BET1L: variants seen among roughly 807,000 people sequenced by gnomAD.
The protein encoded by BET1L is Bet1 golgi vesicular membrane trafficking protein like.
Under a neutral mutation model 12.6 loss-of-function variants are expected in BET1L, and 13 were observed. The ratio of observed to expected loss-of-function variants is 1.03; its 90% CI spans 0.67 to 1.64. The LOEUF is 1.64. BET1L is among the 40% of genes most tolerant of loss of function. The pLI is 0.00. For synonymous variants in BET1L, 60 were observed against 56.9 expected (o/e 1.05, Z -0.25); for missense variants, 154 against 150.7 (o/e 1.02, Z -0.11).
chr11:207,289 T>C lies in BET1L; in HGVS notation c.19+14A>G. On this transcript the variant is annotated intron_variant, in intron 1 of 3. Transcript: ENST00000382762. Reference sequence around the variant, plus strand: ...CCGGCCCTGCCCCCAACGGCTCCGCTCTCCCGCGCTCACCCCGAGCCCAGT... The same window carrying C: ...CCGGCCCTGCCCCCAACGGCTCCGCCCTCCCGCGCTCACCCCGAGCCCAGT... 2.0e-6 allele frequency: 3 copies of C among 1,531,796 alleles called. No homozygotes were observed. Among genetic ancestry groups the C allele is most frequent in the Non-Finnish European group, 2.6e-6 (3 of 1,147,404 alleles). The allele number at this position is 1,531,796 out of a possible 1,614,324, so 94.9% of individuals were successfully genotyped here. A position where few individuals can be genotyped will look rare whatever the true frequency, so the allele number is the denominator to read the frequency against.
rs1855089800 is a variant in BET1L at position 203,796 on chromosome 11, G to C, written c.*1506C>G. On this transcript the variant is annotated 3_prime_UTR_variant, in exon 4 of 4. Transcript: ENST00000382762. ...GGAGGCAGATGAGTCAACCTTGCTG[G>C]GTGAGAAGTGAGCTTGCACTGCATA... The C allele has an allele frequency of 6.5e-6, 1 of 153,260 alleles. No individual in the cohort carries two copies. The highest frequency in any genetic ancestry group is 2.4e-5 in the African/African-American group (1 of 41,480). 9.5% of individuals were successfully genotyped at this position (153,260 alleles called of 1,614,324 possible).
chr11:207,377 A>ACGTGGCCACAGCCGCCTCAGT lies in BET1L; in HGVS notation c.-57_-56insACTGAGGCGGCTGTGGCCACG. ...ACCGACGCGGCCACAGCCGCCTCAG[A>ACGTGGCCACAGCCGCCTCAGT]CGTGGCGCAGTCGCGGGGAAAGAGC... On this transcript the variant is annotated 5_prime_UTR_variant, in exon 1 of 4. Transcript: ENST00000382762. 19 of 1,510,886 alleles carry ACGTGGCCACAGCCGCCTCAGT rather than the reference A, an allele frequency of 1.3e-5. No individual in the cohort carries two copies. Among genetic ancestry groups the ACGTGGCCACAGCCGCCTCAGT allele is most frequent in the Non-Finnish European group, 1.7e-5 (19 of 1,135,502 alleles). The allele number at this position is 1,510,886 out of a possible 1,614,324, so 93.6% of individuals were successfully genotyped here. A position where few individuals can be genotyped will look rare whatever the true frequency, so the allele number is the denominator to read the frequency against.
chr11:206,779 G>C (rs1055452985), intron 1 of BET1L, among the ~76,000 whole-genome samples: 4 of 152,202 alleles, frequency 2.6e-5, no homozygotes, highest in African/African-American at 9.7e-5. Flanking sequence ...GTCAGGAAGG[G>C]ATGCCAGCGT....
Position 205,142 on chromosome 11 carries a change from C to T in BET1L, c.*160G>A. ...ACCAGCCAACATGAGCTCATCAGGT[C>T]ACAGGCAGCCGCAGCCTCCTGCCAC... On this transcript the variant is annotated 3_prime_UTR_variant, in exon 4 of 4. Transcript: ENST00000382762. 2.9e-6 allele frequency: 3 copies of T among 1,020,690 alleles called. No homozygotes were observed. The highest frequency in any genetic ancestry group is 4.2e-6 in the Non-Finnish European group (3 of 720,806). The allele number at this position is 1,020,690 out of a possible 1,614,324, so 63.2% of individuals were successfully genotyped here.
At chr11:205,854 G>T in intron 2 of BET1L, 98 bp downstream of exon 2, 1 of 1,487,340 alleles carries the variant, frequency 6.7e-7, no homozygotes. Context: ...GGATGAGGAT[G>T]GAAAACTGCC....
At chr11:205,577 A>G (rs1334694893) in intron 3 of BET1L, 34 bp downstream of exon 3, 17 of 1,613,976 alleles carry the variant, frequency 1.1e-5, no homozygotes, top group African/African-American at 1.3e-5. Context: ...GTGCTAGGGC[A>G]GGGCACTGAT....
At chr11:206,677 C>A (rs1416001810) in intron 1 of BET1L, among the ~76,000 whole-genome samples, 1 of 152,138 alleles carries the variant, frequency 6.6e-6, no homozygotes, top group Non-Finnish European at 1.5e-5. Flanking sequence ...GCAGAGTGCT[C>A]GCAGAGGCCT....
rs923606381 is a variant in BET1L, at chr11:207,311, C to G, written c.11G>C (p.Trp4Ser). The G allele has an allele frequency of 6.4e-7, 1 of 1,551,156 alleles. No homozygotes were observed. The highest frequency in any genetic ancestry group is 1.4e-5 in the African/African-American group (1 of 72,100). The change falls in exon 1 of 4, where the codon TGG becomes TCG. Residue 4 changes from tryptophan (W) to serine (S), a missense_variant. By Grantham distance (177) the Trp-to-Ser change is radical (BLOSUM62 -3). Coordinates refer to ENST00000382762, the MANE Select transcript of BET1L (RefSeq NM_001098787.2). MAD[W>S]ARAQSPGAVE... Reference sequence around the variant, plus strand: ...CGCTCTCCCGCGCTCACCCCGAGCCCAGTCCGCCATCGTGCCCTGCCCCGG... The same window carrying G: ...CGCTCTCCCGCGCTCACCCCGAGCCGAGTCCGCCATCGTGCCCTGCCCCGG...
rs1855089076 is a variant in BET1L, at chr11:203,775, G to C, written c.*1527C>G. The stretch of plus-strand genomic sequence containing the variant: ...ACAGCAAAGCCCCAGAGACATGGAG[G>C]CAGATGAGTCAACCTTGCTGGGTGA... On this transcript the variant is annotated 3_prime_UTR_variant, in exon 4 of 4. Transcript: ENST00000382762. 6.5e-6 allele frequency: 1 copy of C among 153,178 alleles called. No individual in the cohort carries two copies. Among genetic ancestry groups the C allele is most frequent in the Non-Finnish European group, 1.5e-5 (1 of 68,400 alleles). 9.5% of individuals were successfully genotyped at this position (153,178 alleles called of 1,614,324 possible).
chr11:206,094 CT>C, intron 1 of BET1L, 51 bp from the exon 2 acceptor site: 2 of 1,523,656 alleles, frequency 1.3e-6, no homozygotes, highest in East Asian at 2.3e-5. Flanking sequence ...AGCACGGCCC[CT>C]GACCCCTCTC....
intron 2 of BET1L, 122 bp from the exon 3 acceptor site, chr11:205,789 C>CAGAA: frequency 2.0e-6 from 3 of 1,475,768 alleles, no homozygotes; most frequent in Non-Finnish European, 2.8e-6. Context: ...CTGCAGCAGA[C>CAGAA]AGAAAGGTCC....
At chr11:205,861 T>G in intron 2 of BET1L, 91 bp downstream of exon 2, 1 of 1,500,466 alleles carries the variant, frequency 6.7e-7, no homozygotes, top group South Asian at 1.1e-5. Context: ...GATGGAAAAC[T>G]GCCTGAAACT....
intron 1 of BET1L, among the ~76,000 whole-genome samples, 196 bp from the exon 2 acceptor site, chr11:206,239 T>C (rs1446803855): frequency 1.3e-5 from 2 of 152,274 alleles, no homozygotes; most frequent in East Asian, 3.9e-4. Context: ...ACATGTCCTG[T>C]GTACACATCA....
chr11:205,016 A>C lies in BET1L; in HGVS notation c.*286T>G. 1 of 416,168 alleles carries C rather than the reference A, an allele frequency of 2.4e-6. No homozygotes were observed. The highest frequency in any genetic ancestry group is 4.5e-6 in the Non-Finnish European group (1 of 223,576). The allele number at this position is 416,168 out of a possible 1,614,324, so 25.8% of individuals were successfully genotyped here. On this transcript the variant is annotated 3_prime_UTR_variant, in exon 4 of 4. Coordinates refer to ENST00000382762, the MANE Select transcript of BET1L (RefSeq NM_001098787.2). ...TGCTCTGCTCAGACCTGGCTTCTCCAGACACGCTGTGGCCCCAGCTCTGCC... is the reference window on the plus strand; with the variant it reads ...TGCTCTGCTCAGACCTGGCTTCTCCCGACACGCTGTGGCCCCAGCTCTGCC...
chr11:205,783 A>C, intron 2 of BET1L, 116 bp from the exon 3 acceptor site: 1 of 1,487,952 alleles, frequency 6.7e-7, no homozygotes, highest in East Asian at 2.3e-5. Context: ...GTGGGGCTGC[A>C]GCAGACAGAA....
rs760372872 is a variant in BET1L, at chr11:206,020, C to A, written c.43G>T (p.Glu15Ter). The A allele has an allele frequency of 1.2e-6, 2 of 1,614,014 alleles. No individual in the cohort carries two copies. ...CGCTTGTTCTCCCGGTCTAGAATCT[C>A]TTCCACAGCGCCCGGGCTCTGAGCT... ...ARAQSPGAVEEILDRENKRMA... is the reference protein window; with the variant it reads ...ARAQSPGAVE The change falls in exon 2 of 4, where the codon GAG becomes TAG. Residue 15 changes from glutamate to a stop codon, truncating the protein, a stop_gained. Transcript: ENST00000382762. LOFTEE classifies it high-confidence loss of function.
Position 207,314 on chromosome 11 carries a change from T to C in BET1L, c.8A>G (p.Asp3Gly), listed in dbSNP as rs1323222328. 6.5e-7 allele frequency: 1 copy of C among 1,545,904 alleles called. No individual in the cohort carries two copies. Among genetic ancestry groups the C allele is most frequent in the Non-Finnish European group, 8.7e-7 (1 of 1,154,324 alleles). MA[D>G]WARAQSPGAV... ...TCTCCCGCGCTCACCCCGAGCCCAG[T>C]CCGCCATCGTGCCCTGCCCCGGCTC... The change falls in exon 1 of 4, where the codon GAC (aspartate) becomes GGC (glycine). Residue 3 changes from aspartate (D) to glycine (G), a missense_variant. Physicochemically the swap from Asp to Gly is moderately conservative, Grantham distance 94. Coordinates refer to ENST00000382762, the MANE Select transcript of BET1L (RefSeq NM_001098787.2).
chr11:206,848 A>C (rs1264418707), intron 1 of BET1L, among the ~76,000 whole-genome samples: 1 of 152,250 alleles, frequency 6.6e-6, no homozygotes, highest in Non-Finnish European at 1.5e-5. Context: ...TCACAGAGAC[A>C]GGCATCAATA....
At chr11:206,139 G>C in intron 1 of BET1L, 96 bp from the exon 2 acceptor site, 1 of 1,083,946 alleles carries the variant, frequency 9.2e-7, no homozygotes, top group African/African-American at 1.5e-5. Context: ...CAGAAATCTA[G>C]GGGGCCCTAA....
Sources: gnomAD v4.1 joint callset for allele counts (sites outside exome capture counted in the v4.1 genomes callset) on GRCh38, gnomAD v4.1.1 for gene constraint, MANE v1.5 for transcripts, NCBI Gene and HGNC (gene_info 2026-07-23, HGNC 2026-07-21) for gene names.